Variants in ZBTB7C observed in about 807,000 individuals in gnomAD.
The protein encoded by ZBTB7C is zinc finger and BTB domain containing 7C, also known as zinc finger and BTB domain-containing protein 7C.
In ZBTB7C, 8 loss-of-function variants were observed where a neutral mutation model predicts 25.7. That is an observed-to-expected ratio of 0.31 (90% CI 0.18 to 0.56). The LOEUF (loss-of-function observed/expected upper bound fraction) is 0.56. Ranked by LOEUF, ZBTB7C falls within the 20% of genes least tolerant of loss-of-function variation. The pLI, the probability that ZBTB7C is intolerant of heterozygous loss-of-function variation, is 0.91. For synonymous variants in ZBTB7C, 394 were observed against 369.0 expected, an observed-to-expected ratio of 1.07 and a Z score of -0.78; for missense variants, 824 against 855.2, an observed-to-expected ratio of 0.96 and a Z score of 0.46.
At chr18:48,189,918 C>T (rs2042152805) in intron 2 of ZBTB7C, among the ~76,000 whole-genome samples, 1 of 152,218 alleles carries the variant, frequency 6.6e-6, no homozygotes, top group Non-Finnish European at 1.5e-5. Context: ...GGGCTGGCCT[C>T]TGCGGGGCAG....
At chr18:48,409,542 C>G (rs1377499177), upstream of ZBTB7C, 4 of 148,904 alleles carry the variant, frequency 2.7e-5, no homozygotes, top group African/African-American at 9.8e-5. Context: ...GGCTAAAGGG[C>G]CCGGATGTGT....
intron 3 of ZBTB7C, among the ~76,000 whole-genome samples, chr18:48,091,098 G>T (rs2038394040): frequency 6.6e-6 from 1 of 151,522 alleles, no homozygotes; most frequent in Non-Finnish European, 1.5e-5. Flanking sequence ...TTAAAAGACA[G>T]GGTCTCGCTC....
At chr18:48,384,669 T>C (rs893093989) in intron 1 of ZBTB7C, among the ~76,000 whole-genome samples, 3 of 152,144 alleles carry the variant, frequency 2.0e-5, no homozygotes, top group Non-Finnish European at 2.9e-5. Context: ...CATTAGTGTT[T>C]AGTGTTTTTT....
At position 48,116,883 on chromosome 18, in the gene ZBTB7C, T is replaced by C. The variant is rs574809747; in HGVS notation, c.-17+69051A>G. ...ACTAGTTCTCCTGTCACGCTATGAG[T>C]ATAGGTCTGCCCTGTGCATAAGGGC... On this transcript the variant is annotated intron_variant, in intron 3 of 4. Coordinates refer to ENST00000590800, the MANE Select transcript of ZBTB7C (RefSeq NM_001318841.2). Among the ~76,000 whole-genome samples the C allele has an allele frequency of 5.7e-4, 86 of 152,186 alleles. 1 individual carries two copies. The highest frequency in any genetic ancestry group is 6.9e-4 in the Non-Finnish European group (47 of 67,996).
chr18:48,394,328 G>T (rs1047533744), intron 1 of ZBTB7C, among the ~76,000 whole-genome samples: 2 of 152,158 alleles, frequency 1.3e-5, no homozygotes, highest in African/African-American at 4.8e-5. Flanking sequence ...CAGTAGCCGG[G>T]TTTTCTAGTG....
At chr18:48,128,094 G>T (rs2039864262) in intron 3 of ZBTB7C, among the ~76,000 whole-genome samples, 1 of 152,170 alleles carries the variant, frequency 6.6e-6, no homozygotes, top group South Asian at 2.1e-4. Context: ...AGGCCTACAG[G>T]AAATCACTCC....
chr18:48,228,743 T>TCACACACACA (rs34427342), intron 2 of ZBTB7C, among the ~76,000 whole-genome samples: 3,754 of 135,808 alleles, frequency 0.028, 71 homozygotes, highest in Non-Finnish European at 0.042. Flanking sequence ...TCTCTCTCTC[T>TCACACACACA]CTCTCACACA....
At chr18:48,080,973 C>G (rs754835838) in intron 3 of ZBTB7C, among the ~76,000 whole-genome samples, 1 of 152,236 alleles carries the variant, frequency 6.6e-6, no homozygotes, top group Non-Finnish European at 1.5e-5. Flanking sequence ...TTTGATCTCT[C>G]TCATCAAGCA....
upstream of ZBTB7C, chr18:48,409,414 C>CA (rs941502693): frequency 1.4e-5 from 2 of 146,848 alleles, no homozygotes; most frequent in African/African-American, 4.9e-5. Flanking sequence ...GGCGAGCGGG[C>CA]AGCTCCTCCC....
intron 3 of ZBTB7C, among the ~76,000 whole-genome samples, chr18:48,048,661 A>AAGG (rs1260658912): frequency 6.6e-6 from 1 of 152,194 alleles, no homozygotes; most frequent in Non-Finnish European, 1.5e-5. Context: ...GAAGTCCAGG[A>AAGG]AGGATGCAGA....
At chr18:48,199,893 G>A (rs573604628) in intron 2 of ZBTB7C, among the ~76,000 whole-genome samples, 4 of 152,336 alleles carry the variant, frequency 2.6e-5, no homozygotes, top group African/African-American at 9.6e-5. Context: ...GAAGGCTTGA[G>A]CGCTATACTC....
chr18:48,266,437 C>T (rs1049715767), intron 2 of ZBTB7C, among the ~76,000 whole-genome samples: 11 of 152,304 alleles, frequency 7.2e-5, no homozygotes, highest in South Asian at 4.1e-4. Flanking sequence ...TACCACACCC[C>T]GGATGTTGGA....
intron 2 of ZBTB7C, among the ~76,000 whole-genome samples, chr18:48,323,994 G>C (rs2046158390): frequency 1.3e-5 from 2 of 152,078 alleles, no homozygotes; most frequent in Non-Finnish European, 2.9e-5. Flanking sequence ...TTTTAAAAGA[G>C]GCCCCAGAGA....
At chr18:48,299,062 G>A (rs952164511) in intron 2 of ZBTB7C, among the ~76,000 whole-genome samples, 4 of 152,126 alleles carry the variant, frequency 2.6e-5, no homozygotes, top group African/African-American at 9.7e-5. Context: ...CACCCACAGA[G>A]GTCCCAACCC....
intron 1 of ZBTB7C, among the ~76,000 whole-genome samples, chr18:48,340,165 A>G (rs1159799913): frequency 6.6e-6 from 1 of 152,206 alleles, no homozygotes; most frequent in African/African-American, 2.4e-5. Flanking sequence ...GCTTGATTCC[A>G]AAGCAGCTCT....
At chr18:48,215,710 T>C (rs1283149628) in intron 2 of ZBTB7C, among the ~76,000 whole-genome samples, 1 of 152,136 alleles carries the variant, frequency 6.6e-6, no homozygotes, top group African/African-American at 2.4e-5. Context: ...TTTAGACCTT[T>C]AAAAGGTGCT....
At chr18:48,373,394 G>A (rs2047435228) in intron 1 of ZBTB7C, among the ~76,000 whole-genome samples, 1 of 152,096 alleles carries the variant, frequency 6.6e-6, no homozygotes, top group South Asian at 2.1e-4. Flanking sequence ...CATACTTCCT[G>A]TAAAGCCTGA....
chr18:48,190,918 T>G (rs1184440258), intron 2 of ZBTB7C, among the ~76,000 whole-genome samples: 3 of 152,138 alleles, frequency 2.0e-5, no homozygotes, highest in African/African-American at 4.8e-5. Flanking sequence ...GCACAGCACT[T>G]ATAATCGGCA....
At chr18:48,307,147 T>C (rs1193676348) in intron 2 of ZBTB7C, among the ~76,000 whole-genome samples, 3 of 152,162 alleles carry the variant, frequency 2.0e-5, no homozygotes, top group Non-Finnish European at 4.4e-5. Flanking sequence ...CCTGCCTTAA[T>C]ACAAACTCGA....
Sources: gnomAD v4.1 joint callset for allele counts (sites outside exome capture counted in the v4.1 genomes callset) on GRCh38, gnomAD v4.1.1 for gene constraint, MANE v1.5 for transcripts, NCBI Gene and HGNC (gene_info 2026-07-23, HGNC 2026-07-21) for gene names.